The following TRPC5 variants were observed in gnomAD, a reference collection of about 807,000 sequenced individuals.
TRPC5 encodes the protein short transient receptor potential channel 5.
Under a neutral mutation model 56.5 loss-of-function variants are expected in TRPC5, and 9 were observed. That is an observed-to-expected ratio of 0.16 (90% CI 0.10 to 0.28). TRPC5 has a LOEUF of 0.28. Ranked by LOEUF, TRPC5 falls within the 10% of genes least tolerant of loss-of-function variation. The probability of loss-of-function intolerance (pLI) is 1.00; values close to 1 mark genes in which losing one functional copy is unlikely to be tolerated. For synonymous variants in TRPC5, 282 were observed against 278.5 expected, an observed-to-expected ratio of 1.01 and a Z score of -0.13; for missense variants, 469 against 748.9, an observed-to-expected ratio of 0.63 and a Z score of 4.36.
intron 7 of TRPC5, among the ~76,000 whole-genome samples, chrX:111,829,209 G>C (rs1284515340): frequency 1.9e-5 from 2 of 106,108 alleles, no homozygotes; most frequent in Non-Finnish European, 3.9e-5. Context: ...GGCTGAGGTA[G>C]GAGAATTGGT....
At chrX:111,964,529 C>A (rs185828202) in intron 1 of TRPC5, among the ~76,000 whole-genome samples, 3 of 111,825 alleles carry the variant, frequency 2.7e-5, no homozygotes, top group African/African-American at 9.8e-5. Context: ...TTGTCAGATT[C>A]ACCAAAGTTG....
At chrX:112,011,643 T>TC (rs1420315819) in intron 1 of TRPC5, among the ~76,000 whole-genome samples, 1 of 111,603 alleles carries the variant, frequency 9.0e-6, no homozygotes, top group Non-Finnish European at 1.9e-5. Context: ...TGCCCTCATA[T>TC]CCATGACTGA....
In TRPC5 at chrX:111,952,045, G is replaced by T. The variant is rs764592256; in HGVS notation, c.376C>A (p.Gln126Lys). Residue 126 changes from glutamine (Q) to lysine (K), a missense_variant and splice_region_variant, in exon 2 of 11, where the codon CAG becomes AAG. Transcript: ENST00000262839. ...LSYRRPSGEK[Q>K]VPTLMMDTQF... is the part of the protein sequence containing the mutation. ...CAGCCTATAGGAATTTCTCTTACCTGCTTCTCTCCGCTGGGCCGCCTGTAG... is the reference window on the plus strand; with the variant it reads ...CAGCCTATAGGAATTTCTCTTACCTTCTTCTCTCCGCTGGGCCGCCTGTAG... 1 of 1,201,740 alleles carries T rather than the reference G, an allele frequency of 8.3e-7. No homozygotes were observed.
At chrX:111,830,738 T>C (rs902300840) in intron 7 of TRPC5, among the ~76,000 whole-genome samples, 3 of 112,180 alleles carry the variant, frequency 2.7e-5, no homozygotes, top group Non-Finnish European at 5.6e-5. Flanking sequence ...CCCAGCCATG[T>C]GGAACTGTGA....
intron 7 of TRPC5, among the ~76,000 whole-genome samples, chrX:111,807,960 G>C (rs1030984243): frequency 2.5e-4 from 26 of 104,185 alleles, no homozygotes; most frequent in South Asian, 1.2e-3. Flanking sequence ...CTCTCTCTGT[G>C]TGTGTGTGTG....
chrX:111,823,714 G>T (rs1209509306), intron 7 of TRPC5, among the ~76,000 whole-genome samples: 1 of 110,805 alleles, frequency 9.0e-6, no homozygotes, highest in Non-Finnish European at 1.9e-5. Context: ...AAGTCGCTTT[G>T]TGTCCAGAAC....
At chrX:112,052,578 T>A (rs764507455) in intron 1 of TRPC5, among the ~76,000 whole-genome samples, 32 of 111,961 alleles carry the variant, frequency 2.9e-4, no homozygotes, top group Non-Finnish European at 5.5e-4. Context: ...ATTCTATAGG[T>A]TGCCTTTTCA....
chrX:112,010,191 T>C (rs1249262107), intron 1 of TRPC5, among the ~76,000 whole-genome samples: 1 of 111,734 alleles, frequency 8.9e-6, no homozygotes, highest in East Asian at 2.8e-4. Context: ...AGACATGCCA[T>C]TTAGCATCTC....
chrX:111,778,252 A>G (rs1042652894), intron 10 of TRPC5, among the ~76,000 whole-genome samples: 1 of 111,366 alleles, frequency 9.0e-6, no homozygotes, highest in Admixed American at 9.6e-5. Flanking sequence ...CTATGTAACA[A>G]ACTTGCATGT....
At chrX:112,002,703 T>C (rs773167381) in intron 1 of TRPC5, among the ~76,000 whole-genome samples, 3 of 111,486 alleles carry the variant, frequency 2.7e-5, no homozygotes, top group Non-Finnish European at 3.8e-5. Flanking sequence ...TTTTTCAAAT[T>C]TGACAAAAAT....
At chrX:111,815,813 T>C (rs12856148) in intron 7 of TRPC5, among the ~76,000 whole-genome samples, 1 of 111,079 alleles carries the variant, frequency 9.0e-6, no homozygotes, top group Non-Finnish European at 1.9e-5. Context: ...TCTTTTCGCC[T>C]GTCCATGTCA....
chrX:111,831,826 G>T (rs1922416669), intron 7 of TRPC5, among the ~76,000 whole-genome samples: 2 of 111,271 alleles, frequency 1.8e-5, no homozygotes, highest in South Asian at 7.7e-4. Flanking sequence ...GGGTGGGTAG[G>T]GGGTAGGAAT....
intron 1 of TRPC5, among the ~76,000 whole-genome samples, chrX:112,051,133 G>A (rs769535121): frequency 8.9e-6 from 1 of 112,766 alleles, no homozygotes; most frequent in East Asian, 2.8e-4. Context: ...AGGGTGGGAA[G>A]AGATAGAGGT....
At chrX:111,882,112 G>A (rs1924253445) in intron 3 of TRPC5, 1 of 112,232 alleles carries the variant, frequency 8.9e-6, no homozygotes, top group South Asian at 3.7e-4. Context: ...GGAATGCTAT[G>A]TTATGTTTTA....
chrX:111,947,334 T>TTTTA (rs1472217578), intron 2 of TRPC5, among the ~76,000 whole-genome samples: 2 of 111,186 alleles, frequency 1.8e-5, no homozygotes, highest in South Asian at 7.7e-4. Context: ...AATTTTTCTT[T>TTTTA]TTTATTTATT....
chrX:111,935,076 A>T (rs1926527448), intron 2 of TRPC5, among the ~76,000 whole-genome samples: 1 of 112,002 alleles, frequency 8.9e-6, no homozygotes, highest in African/African-American at 3.2e-5. Context: ...GTACTAATTT[A>T]CATTCCCACC....
chrX:111,966,427 T>C (rs905768579), intron 1 of TRPC5, among the ~76,000 whole-genome samples: 1 of 111,932 alleles, frequency 8.9e-6, no homozygotes, highest in African/African-American at 3.3e-5. Flanking sequence ...CCATTCCTTC[T>C]GAAACTATAC....
intron 1 of TRPC5, among the ~76,000 whole-genome samples, chrX:111,991,169 C>T (rs988373573): frequency 5.4e-5 from 6 of 111,522 alleles, no homozygotes; most frequent in African/African-American, 1.6e-4. Flanking sequence ...TGCTCCCTTT[C>T]CCCTCTATAC....
intron 7 of TRPC5, among the ~76,000 whole-genome samples, chrX:111,783,061 TAAC>T (rs1664204365): frequency 8.9e-6 from 1 of 112,106 alleles, no homozygotes; most frequent in Non-Finnish European, 1.9e-5. Context: ...ATACAGTAGG[TAAC>T]CTTTTAAGAT....
Sources: gnomAD v4.1 joint callset for allele counts (sites outside exome capture counted in the v4.1 genomes callset) on GRCh38, gnomAD v4.1.1 for gene constraint, MANE v1.5 for transcripts, NCBI Gene and HGNC (gene_info 2026-07-23, HGNC 2026-07-21) for gene names.